The following TBC1D5 variants were observed in gnomAD, a reference collection of about 807,000 sequenced individuals.
TBC1D5 encodes the protein TBC1 domain family, member 5.
A neutral mutation model predicts 100.3 loss-of-function variants in TBC1D5; 75 were observed. That is an observed-to-expected ratio of 0.75 (90% CI 0.62 to 0.91). The LOEUF is 0.91. Ranked by LOEUF, TBC1D5 falls within the 40% of genes least tolerant of loss-of-function variation. TBC1D5 has a pLI of 0.00. For synonymous variants in TBC1D5, 323 were observed against 325.6 expected (o/e 0.99, Z 0.09); for missense variants, 910 against 942.4 (o/e 0.97, Z 0.45).
At chr3:17,293,117 A>G (rs2081925958) in intron 14 of TBC1D5, among the ~76,000 whole-genome samples, 1 of 152,180 alleles carries the variant, frequency 6.6e-6, no homozygotes, top group African/African-American at 2.4e-5. Flanking sequence ...CATTGCTGCT[A>G]TGACAGCTTG....
intron 1 of TBC1D5, among the ~76,000 whole-genome samples, chr3:17,660,322 C>T (rs566109663): frequency 6.6e-6 from 1 of 152,204 alleles, no homozygotes; most frequent in Non-Finnish European, 1.5e-5. Context: ...GTTGCAAATC[C>T]AACATCCATT....
At position 17,364,793 on chromosome 3, in the gene TBC1D5, TTATTA is replaced by T. The variant is rs1271590055; in HGVS notation, c.995+7277_995+7281del. 2.6e-5 allele frequency among the ~76,000 whole-genome samples: 4 copies of T among 152,216 alleles called. 1 individual carries two copies. In the South Asian group the frequency reaches 6.2e-4, roughly 24 times the overall value. On this transcript the variant is annotated intron_variant, in intron 13 of 21. Transcript: ENST00000253692. The stretch of plus-strand genomic sequence containing the variant: ...TTGTTATTCTTCTCATTGCTGCTTC[TTATTA>T]TGAGTCTTATTAATAGCCAGGAATT...
At chr3:17,385,188 G>A (rs978449874) in intron 8 of TBC1D5, among the ~76,000 whole-genome samples, 10 of 151,962 alleles carry the variant, frequency 6.6e-5, no homozygotes, top group South Asian at 2.1e-4. Flanking sequence ...CACCAAGAAC[G>A]GTGCCTAACA....
intron 2 of TBC1D5, among the ~76,000 whole-genome samples, chr3:17,583,426 G>A (rs528010401): frequency 2.0e-5 from 3 of 152,060 alleles, no homozygotes; most frequent in South Asian, 2.1e-4. Context: ...TTAGCAAAAT[G>A]TAGAGAAAGT....
At chr3:17,353,209 C>G (rs1177018966) in intron 13 of TBC1D5, among the ~76,000 whole-genome samples, 1 of 151,980 alleles carries the variant, frequency 6.6e-6, no homozygotes, top group Admixed American at 6.6e-5. Flanking sequence ...TAGAAGTACA[C>G]TTAAACAATA....
chr3:17,339,977 CTAAT>C (rs962361285), intron 13 of TBC1D5, among the ~76,000 whole-genome samples: 9 of 144,788 alleles, frequency 6.2e-5, no homozygotes, highest in African/African-American at 1.5e-4. Flanking sequence ...AATTAATTAG[CTAAT>C]TAATTAATTT....
At position 17,517,511 on chromosome 3, in the gene TBC1D5, G is replaced by A. The variant is rs555689615; in HGVS notation, c.-35-8906C>T. 3.9e-4 allele frequency among the ~76,000 whole-genome samples: 59 copies of A among 152,260 alleles called. 1 individual carries two copies. In the South Asian group the frequency reaches 0.012, roughly 30 times the overall value. ...AAAGAACCACATACAGGTCAATGAT[G>A]AGAATGTGTCATAAGGCAATGATTA... On this transcript the variant is annotated intron_variant, in intron 2 of 21. Transcript: ENST00000253692.
chr3:17,170,130 T>C (rs964015756), intron 19 of TBC1D5, among the ~76,000 whole-genome samples: 39 of 152,126 alleles, frequency 2.6e-4, no homozygotes, highest in African/African-American at 9.2e-4. Flanking sequence ...TTTTAGAGGA[T>C]TGAGAAAGAT....
At chr3:17,208,977 GTTAA>G (rs914954143) in intron 18 of TBC1D5, among the ~76,000 whole-genome samples, 21 of 152,268 alleles carry the variant, frequency 1.4e-4, no homozygotes, top group African/African-American at 5.1e-4. Context: ...TTACATAAGT[GTTAA>G]TAGAGTGAAA....
chr3:17,588,354 C>T (rs950004459), intron 2 of TBC1D5, among the ~76,000 whole-genome samples: 2 of 151,732 alleles, frequency 1.3e-5, no homozygotes, highest in African/African-American at 4.8e-5. Flanking sequence ...CTCAGAAATC[C>T]ATATGCAGAA....
intron 18 of TBC1D5, among the ~76,000 whole-genome samples, chr3:17,189,964 G>C (rs1478400427): frequency 6.6e-6 from 1 of 151,998 alleles, no homozygotes; most frequent in Non-Finnish European, 1.5e-5. Context: ...ATTGTTTTTT[G>C]AATTTGCTTT....
chr3:17,596,580 AGTGTTGGGATTAC>A (rs955640409), intron 2 of TBC1D5, among the ~76,000 whole-genome samples: 1 of 150,520 alleles, frequency 6.6e-6, no homozygotes, highest in Non-Finnish European at 1.5e-5. Flanking sequence ...GGCCTCCCAA[AGTGTTGGGATTAC>A]AAGCATGAGC....
chr3:17,708,047 T>G (rs1329272965), intron 1 of TBC1D5, among the ~76,000 whole-genome samples: 1 of 152,226 alleles, frequency 6.6e-6, no homozygotes, highest in Non-Finnish European at 1.5e-5. Flanking sequence ...TAACTAGAGA[T>G]AAAGTTGACG....
chr3:17,249,747 T>C (rs1478697125), intron 16 of TBC1D5, among the ~76,000 whole-genome samples: 2 of 152,174 alleles, frequency 1.3e-5, no homozygotes, highest in Non-Finnish European at 2.9e-5. Context: ...ATTTCAATAT[T>C]ACCAAGTCTC....
At chr3:17,329,969 T>C (rs1164839206) in intron 13 of TBC1D5, among the ~76,000 whole-genome samples, 2 of 152,176 alleles carry the variant, frequency 1.3e-5, no homozygotes, top group African/African-American at 2.4e-5. Flanking sequence ...CTATTTCCAC[T>C]ACATATTGCT....
intron 8 of TBC1D5, among the ~76,000 whole-genome samples, chr3:17,389,419 C>A (rs1014264595): frequency 6.6e-6 from 1 of 152,048 alleles, no homozygotes; most frequent in African/African-American, 2.4e-5. Context: ...ACCAGTTTCT[C>A]AAAAAATAAA....
chr3:17,572,784 A>G (rs912322704), intron 2 of TBC1D5, among the ~76,000 whole-genome samples: 1 of 152,020 alleles, frequency 6.6e-6, no homozygotes, highest in Non-Finnish European at 1.5e-5. Flanking sequence ...ATTCAGGCAT[A>G]TCATTATTCA....
At chr3:17,214,184 G>T (rs756916285) in intron 18 of TBC1D5, 23 bp downstream of exon 19, 1 of 1,595,014 alleles carries the variant, frequency 6.3e-7, no homozygotes, top group East Asian at 2.3e-5. Context: ...AGAACGAAGA[G>T]AAAACTGTCC....
chr3:17,197,514 T>C (rs940101081), intron 18 of TBC1D5, among the ~76,000 whole-genome samples: 2 of 152,136 alleles, frequency 1.3e-5, no homozygotes, highest in Non-Finnish European at 2.9e-5. Flanking sequence ...ATAGCTAGAA[T>C]TACAGGTGTG....
Sources: allele counts gnomAD v4.1 joint callset (sites outside exome capture counted in the v4.1 genomes callset), GRCh38; gene constraint gnomAD v4.1.1; transcripts MANE v1.5; gene names NCBI Gene and HGNC (gene_info 2026-07-23, HGNC 2026-07-21).